TLR1: variants seen among roughly 807,000 people sequenced by gnomAD.
The protein encoded by TLR1 is toll-like receptor 1.
In TLR1, 19 loss-of-function variants were observed where a neutral mutation model predicts 20.2. The observed-to-expected ratio is 0.94, with a 90% CI of 0.66 to 1.38. TLR1 has a LOEUF of 1.38. Among genes scored for constraint, TLR1 ranks in the 40% most tolerant of loss-of-function variants. TLR1 has a pLI of 0.00. For synonymous variants in TLR1, 320 were observed against 334.5 expected, an observed-to-expected ratio of 0.96 and a Z score of 0.47; for missense variants, 921 against 910.0, an observed-to-expected ratio of 1.01 and a Z score of -0.16.
downstream of TLR1, among the ~76,000 whole-genome samples, chr4:38,790,303 G>A (rs968977837): frequency 6.6e-6 from 1 of 152,222 alleles, no homozygotes; most frequent in African/African-American, 2.4e-5. Context: ...AATTTGGAGG[G>A]AGAACTTACA....
chr4:38,803,044 G>C lies in TLR1; in HGVS notation c.-160+1262C>G, dbSNP rs115735793. Among the ~76,000 whole-genome samples, 150 of 152,290 alleles carry C rather than the reference G, an allele frequency of 9.8e-4. 1 individual carries two copies. The highest frequency in any genetic ancestry group is 3.2e-3 in the African/African-American group (135 of 41,550). ...GCTTGCTTGTACCCAGAGAGAGAAA[G>C]AGTTAAGCTGCTGACCCTGAGGGCA... On this transcript the variant is annotated intron_variant, in intron 2 of 3. Coordinates refer to ENST00000308979, the MANE Select transcript of TLR1 (RefSeq NM_003263.4).
chr4:38,798,966 G>A, intron 3 of TLR1, 68 bp from the exon 4 acceptor site: 1 of 816,660 alleles, frequency 1.2e-6, no homozygotes, highest in East Asian at 2.9e-5. Context: ...AATTAGTCAT[G>A]GCTGACATTA....
chr4:38,791,728 A>G (rs988185791), downstream of TLR1, among the ~76,000 whole-genome samples: 3 of 152,266 alleles, frequency 2.0e-5, no homozygotes, highest in Non-Finnish European at 2.9e-5. Flanking sequence ...TGATAATGAC[A>G]TAATAATAAC....
chr4:38,790,050 T>A (rs1273515897), downstream of TLR1, among the ~76,000 whole-genome samples: 1 of 152,210 alleles, frequency 6.6e-6, no homozygotes, highest in Non-Finnish European at 1.5e-5. Flanking sequence ...TATAATGAAA[T>A]CTATCAAATA....
At chr4:38,801,217 A>G (rs1726619032) in intron 2 of TLR1, among the ~76,000 whole-genome samples, 1 of 152,222 alleles carries the variant, frequency 6.6e-6, no homozygotes, top group Admixed American at 6.5e-5. Flanking sequence ...AGGTCATAAG[A>G]ATAGAGCCTT....
chr4:38,789,924 T>G (rs1725678912), downstream of TLR1, among the ~76,000 whole-genome samples: 1 of 152,270 alleles, frequency 6.6e-6, no homozygotes, highest in South Asian at 2.1e-4. Context: ...TCTATGATTA[T>G]GCTTTTTGGT....
downstream of TLR1, among the ~76,000 whole-genome samples, chr4:38,794,370 A>G (rs1679029499): frequency 6.6e-6 from 1 of 152,186 alleles, no homozygotes; most frequent in Non-Finnish European, 1.5e-5. Context: ...TTAAATAATG[A>G]CTTTCCTCTA....
rs150011580 is a variant in TLR1 at position 38,797,676 on chromosome 4, C to G, written c.1156G>C (p.Glu386Gln). The part of the protein sequence containing the change: ...TLILQMNQLK[E>Q]LSKIAEMTTQ... ...GTCATTTCAGCTATTTTTGAAAGTTCTTTTAATTGATTCATTTGTAAAATA... is the reference window on the plus strand; with the variant it reads ...GTCATTTCAGCTATTTTTGAAAGTTGTTTTAATTGATTCATTTGTAAAATA... The change falls in exon 4 of 4, where the codon GAA (glutamate) becomes CAA (glutamine). Residue 386 changes from glutamate (E) to glutamine (Q), a missense_variant. Physicochemically the swap from Glu to Gln is conservative, Grantham distance 29. Transcript: ENST00000308979. 1.2e-6 allele frequency: 2 copies of G among 1,613,764 alleles called. No individual in the cohort carries two copies. The highest frequency in any genetic ancestry group is 1.7e-6 in the Non-Finnish European group (2 of 1,179,936).
downstream of TLR1, among the ~76,000 whole-genome samples, chr4:38,790,188 T>C (rs1236124202): frequency 1.3e-5 from 2 of 152,228 alleles, no homozygotes; most frequent in Admixed American, 6.5e-5. Flanking sequence ...TCTGCTGTAT[T>C]AGATCTCTCG....
Position 38,797,954 on chromosome 4 carries a change from T to A in TLR1, c.878A>T (p.Asp293Val), listed in dbSNP as rs1228353300. The change falls in exon 4 of 4, where the codon GAT (aspartate) becomes GTT (valine). Residue 293 changes from aspartate (D) to valine (V), a missense_variant. Transcript: ENST00000308979. ...GGCCTTCAAGGAAGTGCCAGAATAA[T>A]CAAAATCTCTGAAGTCCAGCTGACC... is the stretch of plus-strand genomic sequence containing the variant. The part of the protein sequence containing the change: ...LQGQLDFRDF[D>V]YSGTSLKALS... 6.2e-7 allele frequency: 1 copy of A among 1,614,050 alleles called. No individual in the cohort carries two copies. The highest frequency in any genetic ancestry group is 8.5e-7 in the Non-Finnish European group (1 of 1,180,026).
Position 38,798,436 on chromosome 4 carries a change from G to A in TLR1, c.396C>T (p.Cys132=), listed in dbSNP as rs1726344959. The change falls in exon 4 of 4, where the codon TGC becomes TGT. Residue 132 remains cysteine, a synonymous_variant. Coordinates refer to ENST00000308979, the MANE Select transcript of TLR1 (RefSeq NM_003263.4). ...GTTGAGACATATTGCCAAACTCTTT[G>A]CATATAGGCAGGGCATCAAATGCAT... is the stretch of plus-strand genomic sequence containing the variant. ...SFNAFDALPI[C]KEFGNMSQLK... 6.2e-7 allele frequency: 1 copy of A among 1,613,712 alleles called. No individual in the cohort carries two copies. The highest frequency in any genetic ancestry group is 8.5e-7 in the Non-Finnish European group (1 of 1,179,708).
At position 38,804,350 on chromosome 4, in the gene TLR1, G is replaced by A. The variant is rs945058007; in HGVS notation, c.-204C>T. 3 of 152,282 alleles carry A rather than the reference G, an allele frequency of 2.0e-5. No individual in the cohort carries two copies. Among genetic ancestry groups the A allele is most frequent in the African/African-American group, 7.2e-5 (3 of 41,448 alleles). The allele number at this position is 152,282 out of a possible 1,614,324, so 9.4% of individuals were successfully genotyped here. A position where few individuals can be genotyped will look rare whatever the true frequency, so the allele number is the denominator to read the frequency against. On this transcript the variant is annotated 5_prime_UTR_variant, in exon 2 of 4. Transcript: ENST00000308979. ...AGCTGAACAGCAGCATTGCCTCCGG[G>A]AGTAACTGACTTATATCTCATTTTC...
Position 38,798,659 on chromosome 4 carries a change from G to A in TLR1, c.173C>T (p.Ser58Phe), listed in dbSNP as rs1726395013. 1.2e-6 allele frequency: 2 copies of A among 1,613,850 alleles called. No homozygotes were observed. Among genetic ancestry groups the A allele is most frequent in the African/African-American group, 1.3e-5 (1 of 74,918 alleles). Residue 58 changes from serine (S) to phenylalanine (F), a missense_variant, in exon 4 of 4, where the codon TCT (serine) becomes TTT (phenylalanine). Transcript: ENST00000308979. Reference protein sequence around the residue: ...TILNISQNYISELWTSDILSL... With the variant: ...TILNISQNYIFELWTSDILSL... ...TAAGATGTCAGAAGTCCAAAGCTCAGATATATAATTTTGCGATATATTTAA... is the reference window on the plus strand; with the variant it reads ...TAAGATGTCAGAAGTCCAAAGCTCAAATATATAATTTTGCGATATATTTAA...
chr4:38,798,079 T>C lies in TLR1; in HGVS notation c.753A>G (p.Leu251=). The C allele has an allele frequency of 6.2e-7, 1 of 1,613,720 alleles. No individual in the cohort carries two copies. The change falls in exon 4 of 4, where the codon TTA becomes TTG. Residue 251 remains leucine (L), a synonymous_variant. Coordinates refer to ENST00000308979, the MANE Select transcript of TLR1 (RefSeq NM_003263.4). The part of the protein sequence containing the change: ...QTNPKLSNLT[L]NNIETTWNSF... The stretch of plus-strand genomic sequence containing the variant: ...AATTCCAAGTTGTTTCAATGTTGTT[T>C]AAGGTAAGATTTGATAACTTTGGAT...
At position 38,798,398 on chromosome 4, in the gene TLR1, C is replaced by G. The variant is rs1726331576; in HGVS notation, c.434G>C (p.Gly145Ala). 1.9e-6 allele frequency: 3 copies of G among 1,613,522 alleles called. No homozygotes were observed. Among genetic ancestry groups the G allele is most frequent in the Non-Finnish European group, 8.5e-7 (1 of 1,179,696 alleles). Residue 145 changes from glycine (G) to alanine (A), a missense_variant, in exon 4 of 4, where the codon GGG becomes GCG. Coordinates refer to ENST00000308979, the MANE Select transcript of TLR1 (RefSeq NM_003263.4). ...TTTTTCTAAGTGTGTGGTGCTCAAC[C>G]CCAGAAATTTTAGTTGAGACATATT... ...FGNMSQLKFLGLSTTHLEKSS... is the reference protein window; with the variant it reads ...FGNMSQLKFLALSTTHLEKSS...
rs773682011 is a variant in TLR1, at chr4:38,797,508, A to T, written c.1324T>A (p.Cys442Ser). ...SNILTDTIFR[C>S]LPPRIKVLDL... ...AGTACCTTGATCCTGGGAGGTAAACATCTGAAAATAGTGTCAGTAAGTATA... is the reference window on the plus strand; with the variant it reads ...AGTACCTTGATCCTGGGAGGTAAACTTCTGAAAATAGTGTCAGTAAGTATA... The change falls in exon 4 of 4, where the codon TGT (cysteine) becomes AGT (serine). Residue 442 changes from cysteine to serine, a missense_variant. By Grantham distance (112) the Cys-to-Ser change is moderately radical. Coordinates refer to ENST00000308979, the MANE Select transcript of TLR1 (RefSeq NM_003263.4). 72 of 1,614,096 alleles carry T rather than the reference A, an allele frequency of 4.5e-5. No homozygotes were observed. Among genetic ancestry groups the T allele is most frequent in the Non-Finnish European group, 6.1e-5 (72 of 1,180,056 alleles).
At chr4:38,790,964 G>A (rs1725702823) in exon 4 of TLR1, 1 of 152,156 alleles carries the variant, frequency 6.6e-6, no homozygotes, top group South Asian at 2.1e-4. Context: ...TCTCAATCTT[G>A]TTTGGGACCT....
downstream of TLR1, among the ~76,000 whole-genome samples, chr4:38,795,256 T>C (rs1285789064): frequency 6.6e-6 from 1 of 152,188 alleles, no homozygotes; most frequent in East Asian, 1.9e-4. Flanking sequence ...CACGCAGTGG[T>C]ATCAGTGAAG....
intron 2 of TLR1, among the ~76,000 whole-genome samples, chr4:38,801,984 G>A (rs2109366662): frequency 6.6e-6 from 1 of 152,274 alleles, no homozygotes; most frequent in South Asian, 2.1e-4. Flanking sequence ...ATCACTTGAG[G>A]TCGGGAGTTT....
Sources: gnomAD v4.1 joint callset for allele counts (sites outside exome capture counted in the v4.1 genomes callset) on GRCh38, gnomAD v4.1.1 for gene constraint, MANE v1.5 for transcripts, NCBI Gene and HGNC (gene_info 2026-07-23, HGNC 2026-07-21) for gene names.